RALYL: variants seen among roughly 807,000 people sequenced by gnomAD.
RALYL encodes RNA-binding Raly-like protein.
Under a neutral mutation model 35.1 loss-of-function variants are expected in RALYL, and 29 were observed. The observed-to-expected ratio is 0.83, with a 90% CI of 0.61 to 1.13. RALYL has a LOEUF of 1.13. RALYL is among the 50% of genes most tolerant of loss of function. RALYL has a pLI of 0.00. For synonymous variants in RALYL, 120 were observed against 127.6 expected (o/e 0.94, Z 0.40); for missense variants, 359 against 360.4 (o/e 1.00, Z 0.03).
chr8:84,453,821 G>A (rs540473167), intron 1 of RALYL, among the ~76,000 whole-genome samples: 8 of 152,142 alleles, frequency 5.3e-5, no homozygotes, highest in Non-Finnish European at 1.0e-4. Flanking sequence ...TGCTCTGAGA[G>A]CATGTAGGTA....
At chr8:84,651,302 G>A (rs564641316) in intron 2 of RALYL, among the ~76,000 whole-genome samples, 1 of 151,628 alleles carries the variant, frequency 6.6e-6, no homozygotes, top group South Asian at 2.1e-4. Flanking sequence ...TGATATGAAT[G>A]CCATAACTAT....
intron 2 of RALYL, among the ~76,000 whole-genome samples, chr8:84,590,606 G>GT (rs1813023372): frequency 6.6e-6 from 1 of 152,136 alleles, no homozygotes; most frequent in African/African-American, 2.4e-5. Flanking sequence ...CTACAGGCAG[G>GT]TGAACCTATG....
intron 8 of RALYL, among the ~76,000 whole-genome samples, chr8:84,892,798 G>A (rs1844097368): frequency 6.6e-6 from 1 of 151,890 alleles, no homozygotes; most frequent in Non-Finnish European, 1.5e-5. Flanking sequence ...TAAGCAGCCA[G>A]CCAAGACTAA....
chr8:84,409,636 A>C (rs1444178758), intron 1 of RALYL, among the ~76,000 whole-genome samples: 1 of 151,970 alleles, frequency 6.6e-6, no homozygotes, highest in Non-Finnish European at 1.5e-5. Flanking sequence ...GACATTTTTT[A>C]ATGAAGAATG....
chr8:84,510,045 A>T (rs1337454393), intron 1 of RALYL, among the ~76,000 whole-genome samples: 3 of 152,154 alleles, frequency 2.0e-5, no homozygotes, highest in African/African-American at 7.2e-5. Context: ...CCACAAAGTA[A>T]TTTCCTGGAA....
intron 2 of RALYL, among the ~76,000 whole-genome samples, chr8:84,598,850 A>T (rs966666028): frequency 6.6e-6 from 1 of 152,148 alleles, no homozygotes; most frequent in African/African-American, 2.4e-5. Context: ...CAGCTGGATC[A>T]TATGGTATTT....
chr8:84,830,003 T>G (rs1364685321), intron 4 of RALYL, among the ~76,000 whole-genome samples: 1 of 97,560 alleles, frequency 1.0e-5, no homozygotes, highest in African/African-American at 3.7e-5. Context: ...ATCACAGCAT[T>G]TCAGCACTAT....
chr8:84,802,324 G>A (rs1823523069), intron 3 of RALYL, among the ~76,000 whole-genome samples: 2 of 152,104 alleles, frequency 1.3e-5, no homozygotes, highest in Admixed American at 1.3e-4. Context: ...ACAATCAGAG[G>A]GTGAGCAGGA....
intron 1 of RALYL, among the ~76,000 whole-genome samples, chr8:84,389,787 A>C (rs560289818): frequency 1.4e-4 from 21 of 150,244 alleles, no homozygotes; most frequent in Admixed American, 4.6e-4. Flanking sequence ...TGTCGTCTGC[A>C]AACAGGGACA....
chr8:84,566,130 CATT>C (rs1447539111), intron 2 of RALYL, among the ~76,000 whole-genome samples: 4 of 151,396 alleles, frequency 2.6e-5, no homozygotes, highest in African/African-American at 9.7e-5. Flanking sequence ...ATTTGGATGT[CATT>C]AGGAGAAAGA....
intron 1 of RALYL, among the ~76,000 whole-genome samples, chr8:84,425,027 G>A (rs1360288104): frequency 6.6e-6 from 1 of 152,160 alleles, no homozygotes; most frequent in African/African-American, 2.4e-5. Context: ...TGCCCCCAGA[G>A]GTGGAGCCTA....
chr8:84,736,680 A>G (rs560746661), intron 2 of RALYL, among the ~76,000 whole-genome samples: 1 of 152,182 alleles, frequency 6.6e-6, no homozygotes, highest in Admixed American at 6.6e-5. Flanking sequence ...GTGATTCACA[A>G]TTACATTTGA....
At chr8:84,486,997 A>G (rs1440936695) in intron 1 of RALYL, among the ~76,000 whole-genome samples, 1 of 152,094 alleles carries the variant, frequency 6.6e-6, no homozygotes, top group Non-Finnish European at 1.5e-5. Context: ...AAATTCAGGC[A>G]TAGTTAGGAC....
chr8:84,913,040 G>A (rs62526876), intron 8 of RALYL, among the ~76,000 whole-genome samples: 23,557 of 129,658 alleles, frequency 0.18, 2,317 homozygotes, highest in East Asian at 0.34. Flanking sequence ...GGATAGGTAG[G>A]TAGATAGATA....
At chr8:84,879,545 G>C in intron 7 of RALYL, among the ~76,000 whole-genome samples, 1 of 152,036 alleles carries the variant, frequency 6.6e-6, no homozygotes, top group Non-Finnish European at 1.5e-5. Flanking sequence ...TAGGGATAAT[G>C]TCAACAGATA....
intron 1 of RALYL, among the ~76,000 whole-genome samples, chr8:84,494,790 T>C (rs1218107530): frequency 1.3e-5 from 2 of 151,874 alleles, no homozygotes; most frequent in Non-Finnish European, 2.9e-5. Context: ...GCTTAAGGAG[T>C]TTTGGGGCTA....
rs760924833 is a variant in RALYL, at chr8:84,804,773, T to C, written c.336T>C (p.Leu112=). ...AAATTTTCATATTTTTTCATAGACT[T>C]GAATCAAAGGAACCTTTCCTGTCTG... ...NKRPLSALYR[L]ESKEPFLSVG... is the part of the protein sequence containing the mutation. The change falls in exon 4 of 9, where the codon CTT becomes CTC. Residue 112 remains leucine (L), a synonymous_variant. Coordinates refer to ENST00000521268, the MANE Select transcript of RALYL (RefSeq NM_173848.7). 3.1e-5 allele frequency: 37 copies of C among 1,177,430 alleles called. No individual in the cohort carries two copies. The highest frequency in any genetic ancestry group is 2.7e-4 in the Middle Eastern group (1 of 3,654). The allele number at this position is 1,177,430 out of a possible 1,614,324, so 72.9% of individuals were successfully genotyped here.
rs186592636 is a variant in RALYL at position 84,919,310 on chromosome 8, T to G, written c.859-1584T>G. Among the ~76,000 whole-genome samples the G allele has an allele frequency of 3.9e-3, 599 of 152,214 alleles. 6 individuals are homozygous for G. Among genetic ancestry groups the G allele is most frequent in the African/African-American group, 0.014 (566 of 41,562 alleles). On this transcript the variant is annotated intron_variant, in intron 8 of 8. Coordinates refer to ENST00000521268, the MANE Select transcript of RALYL (RefSeq NM_173848.7). ...AATTCAAACATTGTAATACCTATTTTCATATATCAGTGTTCATCTATGGGT... is the reference window on the plus strand; with the variant it reads ...AATTCAAACATTGTAATACCTATTTGCATATATCAGTGTTCATCTATGGGT...
chr8:84,836,718 A>G (rs116404713), intron 4 of RALYL, among the ~76,000 whole-genome samples: 127 of 152,344 alleles, frequency 8.3e-4, no homozygotes, highest in African/African-American at 3.0e-3. Flanking sequence ...CCAACATTTT[A>G]TGATGAATTA....
Sources: gnomAD v4.1 joint callset for allele counts (sites outside exome capture counted in the v4.1 genomes callset) on GRCh38, gnomAD v4.1.1 for gene constraint, MANE v1.5 for transcripts, NCBI Gene and HGNC (gene_info 2026-07-23, HGNC 2026-07-21) for gene names.